The following SH3RF3 variants were observed in gnomAD, a reference collection of about 807,000 sequenced individuals.
SH3RF3 encodes E3 ubiquitin-protein ligase SH3RF3.
A neutral mutation model predicts 66.3 loss-of-function variants in SH3RF3; 29 were observed. The ratio of observed to expected loss-of-function variants is 0.44; its 90% CI spans 0.33 to 0.60. SH3RF3 has a LOEUF of 0.60. SH3RF3 is among the 20% of genes least tolerant of loss of function. The pLI is 0.04. For missense variants in SH3RF3, 1,194 were observed against 1,190.9 expected, an observed-to-expected ratio of 1.00 and a Z score of -0.04; for synonymous variants, 583 against 532.0, an observed-to-expected ratio of 1.10 and a Z score of -1.32.
At chr2:109,375,086 T>C (rs534053331) in intron 3 of SH3RF3, among the ~76,000 whole-genome samples, 58 of 152,268 alleles carry the variant, frequency 3.8e-4, no homozygotes, top group African/African-American at 1.4e-3. Context: ...CCTCTGCTGT[T>C]CTATAGAAAT....
chr2:109,148,650 T>G (rs1364490688), intron 1 of SH3RF3, among the ~76,000 whole-genome samples: 1 of 152,208 alleles, frequency 6.6e-6, no homozygotes, highest in African/African-American at 2.4e-5. Flanking sequence ...CCACAGCGTT[T>G]AAAAATGTGA....
At chr2:109,171,706 T>C (rs1358565929) in intron 1 of SH3RF3, among the ~76,000 whole-genome samples, 1 of 152,254 alleles carries the variant, frequency 6.6e-6, no homozygotes, top group Non-Finnish European at 1.5e-5. Context: ...GCTAATGCCT[T>C]CCAGAGGCCC....
At chr2:109,376,638 C>T (rs1683391856) in intron 3 of SH3RF3, among the ~76,000 whole-genome samples, 1 of 152,182 alleles carries the variant, frequency 6.6e-6, no homozygotes, top group South Asian at 2.1e-4. Flanking sequence ...ACCCAGATCT[C>T]AAGGAACCAA....
rs58628333 is a variant in SH3RF3 at position 109,499,522 on chromosome 2, C to T, written c.2481-1981C>T. Among the ~76,000 whole-genome samples the T allele has an allele frequency of 2.4e-4, 36 of 152,282 alleles. No individual in the cohort carries two copies. The East Asian group carries it at 6.2e-3, about 26-fold the overall frequency. ...GGGGTGCAGGGGCCCAGCCAGGCTT[C>T]GGGCAAGCATGCCCCTGTGGAGTTT... On this transcript the variant is annotated intron_variant, in intron 9 of 9. Transcript: ENST00000309415.
At chr2:109,253,483 A>T (rs1485925648) in intron 1 of SH3RF3, among the ~76,000 whole-genome samples, 4 of 152,166 alleles carry the variant, frequency 2.6e-5, no homozygotes, top group African/African-American at 9.7e-5. Flanking sequence ...CCCAGCTCTC[A>T]TGTTTCCCAG....
At chr2:109,378,662 T>C (rs188329722) in intron 3 of SH3RF3, among the ~76,000 whole-genome samples, 348 of 152,358 alleles carry the variant, frequency 2.3e-3, no homozygotes, top group African/African-American at 7.6e-3. Context: ...AGGCTCGCTT[T>C]GAGGCTTTGT....
intron 8 of SH3RF3, among the ~76,000 whole-genome samples, chr2:109,470,278 C>T (rs935864268): frequency 6.6e-6 from 1 of 152,224 alleles, no homozygotes; most frequent in African/African-American, 2.4e-5. Flanking sequence ...TGACCCACAG[C>T]ACCCAGCAGC....
At chr2:109,190,635 G>A (rs963647928) in intron 1 of SH3RF3, among the ~76,000 whole-genome samples, 3 of 152,158 alleles carry the variant, frequency 2.0e-5, no homozygotes, top group African/African-American at 7.2e-5. Flanking sequence ...GCGACTTGGT[G>A]AAAATCTTTC....
intron 2 of SH3RF3, among the ~76,000 whole-genome samples, chr2:109,362,282 A>G (rs1440369672): frequency 6.6e-6 from 1 of 152,098 alleles, no homozygotes; most frequent in African/African-American, 2.4e-5. Context: ...ATTTAGTTCA[A>G]AATATTTTTT....
chr2:109,440,313 C>T (rs1172683649), intron 7 of SH3RF3, among the ~76,000 whole-genome samples: 3 of 152,090 alleles, frequency 2.0e-5, no homozygotes, highest in South Asian at 2.1e-4. Context: ...CTTGGGCCGC[C>T]GAGGCCAGGG....
chr2:109,223,017 T>G (rs1679290410), intron 1 of SH3RF3, among the ~76,000 whole-genome samples: 1 of 152,248 alleles, frequency 6.6e-6, no homozygotes, highest in Admixed American at 6.5e-5. Context: ...AAGAGGGCAC[T>G]GTCCGCCCCT....
chr2:109,329,223 G>A (rs1682228808), intron 1 of SH3RF3, among the ~76,000 whole-genome samples: 1 of 152,076 alleles, frequency 6.6e-6, no homozygotes, highest in African/African-American at 2.4e-5. Flanking sequence ...CCAATTACCA[G>A]GTCCAGTCTC....
chr2:109,307,155 C>T (rs1169311191), intron 1 of SH3RF3, among the ~76,000 whole-genome samples: 4 of 152,186 alleles, frequency 2.6e-5, no homozygotes. Flanking sequence ...TTGTACTCTT[C>T]ATGAGGGAAC....
At chr2:109,297,903 T>A (rs1006196899) in intron 1 of SH3RF3, among the ~76,000 whole-genome samples, 8 of 151,320 alleles carry the variant, frequency 5.3e-5, no homozygotes, top group African/African-American at 1.9e-4. Context: ...CCCACAACCA[T>A]GTCAATGCTC....
At chr2:109,479,324 G>A (rs1678772384) in intron 8 of SH3RF3, among the ~76,000 whole-genome samples, 1 of 152,100 alleles carries the variant, frequency 6.6e-6, no homozygotes, top group South Asian at 2.1e-4. Flanking sequence ...TGTAGAGGGG[G>A]GCTAGTGAGT....
chr2:109,399,707 C>T (rs115979769), intron 4 of SH3RF3, among the ~76,000 whole-genome samples: 1,596 of 152,334 alleles, frequency 0.01, 43 homozygotes, highest in African/African-American at 0.037. Flanking sequence ...TCTGACAAGA[C>T]CCCTCACAGT....
chr2:109,236,478 C>A (rs1396470206), intron 1 of SH3RF3, among the ~76,000 whole-genome samples: 1 of 152,124 alleles, frequency 6.6e-6, no homozygotes, highest in Non-Finnish European at 1.5e-5. Flanking sequence ...TTTTAGGAAT[C>A]AGAAAAGGTG....
intron 3 of SH3RF3, among the ~76,000 whole-genome samples, chr2:109,380,583 G>A (rs1273902373): frequency 1.3e-5 from 2 of 152,196 alleles, no homozygotes; most frequent in South Asian, 2.1e-4. Flanking sequence ...CCTTGTCCTC[G>A]CTGCCAGCCT....
At chr2:109,342,077 C>T (rs1461922061) in intron 1 of SH3RF3, among the ~76,000 whole-genome samples, 2 of 152,216 alleles carry the variant, frequency 1.3e-5, no homozygotes, top group African/African-American at 2.4e-5. Flanking sequence ...CTGCTGGCCA[C>T]ATGCTGTGCT....
Sources: allele counts gnomAD v4.1 joint callset (sites outside exome capture counted in the v4.1 genomes callset), GRCh38; gene constraint gnomAD v4.1.1; transcripts MANE v1.5; gene names NCBI Gene and HGNC (gene_info 2026-07-23, HGNC 2026-07-21).